The following SMG6 variants were observed in gnomAD, a reference collection of about 807,000 sequenced individuals.
SMG6 encodes SMG6 nonsense mediated mRNA decay factor, also known as telomerase-binding protein EST1A.
In SMG6, 66 loss-of-function variants were observed where a neutral mutation model predicts 142.2. That is an observed-to-expected ratio of 0.46 (90% CI 0.38 to 0.57). The LOEUF (loss-of-function observed/expected upper bound fraction) is 0.57. SMG6 is among the 20% of genes least tolerant of loss of function. SMG6 has a pLI of 0.00. For missense variants in SMG6, 1,793 were observed against 1,832.0 expected (o/e 0.98, Z 0.39); for synonymous variants, 779 against 702.4 (o/e 1.11, Z -1.72).
chr17:2,092,209 CGCCTGACCTCAAGTGA>C (rs2068746282), intron 13 of SMG6, among the ~76,000 whole-genome samples: 1 of 152,134 alleles, frequency 6.6e-6, no homozygotes, highest in Non-Finnish European at 1.5e-5. Flanking sequence ...TGGTCTCGAA[CGCCTGACCTCAAGTGA>C]TCCACCGCGC....
chr17:2,099,986 C>T (rs969771357), intron 13 of SMG6, among the ~76,000 whole-genome samples: 2 of 151,856 alleles, frequency 1.3e-5, no homozygotes, highest in African/African-American at 4.8e-5. Flanking sequence ...TCTCAGCCTC[C>T]TGAGTAGCTG....
chr17:2,167,366 G>A (rs1180811982), intron 13 of SMG6, among the ~76,000 whole-genome samples: 1 of 152,056 alleles, frequency 6.6e-6, no homozygotes, highest in East Asian at 1.9e-4. Flanking sequence ...AGTGATGACA[G>A]AAAAAGTGAC....
At chr17:2,248,351 G>A (rs1291695059) in intron 8 of SMG6, among the ~76,000 whole-genome samples, 5 of 152,098 alleles carry the variant, frequency 3.3e-5, no homozygotes, top group Non-Finnish European at 7.4e-5. Context: ...CTAAGAAGCC[G>A]TTCAAGTTTT....
rs942836344 is a variant in SMG6 at position 2,127,682 on chromosome 17, A to T, written c.3358-41781T>A. 3 of 568,042 alleles carry T rather than the reference A, an allele frequency of 5.3e-6. No individual in the cohort carries two copies. In the African/African-American group the frequency reaches 5.6e-5, roughly 11 times the overall value. 35.2% of individuals were successfully genotyped at this position (568,042 alleles called of 1,614,324 possible). ...TTTACTCTGCTCTTTTCTAGGTTGAAGTCTAATTTAGTATCTGTTCGGACT... is the reference window on the plus strand; with the variant it reads ...TTTACTCTGCTCTTTTCTAGGTTGATGTCTAATTTAGTATCTGTTCGGACT... On this transcript the variant is annotated intron_variant, in intron 13 of 18. Coordinates refer to ENST00000263073, the MANE Select transcript of SMG6 (RefSeq NM_017575.5).
At chr17:2,272,940 A>G (rs1242007559) in intron 8 of SMG6, among the ~76,000 whole-genome samples, 2 of 152,058 alleles carry the variant, frequency 1.3e-5, no homozygotes, top group African/African-American at 4.8e-5. Flanking sequence ...AAAAAAAAAA[A>G]AAGTGTCCTT....
intron 10 of SMG6, among the ~76,000 whole-genome samples, chr17:2,206,820 G>A (rs1280133142): frequency 2.0e-5 from 3 of 151,434 alleles, no homozygotes; most frequent in African/African-American, 2.4e-5. Context: ...CCCTGAAGGC[G>A]GAGGTCACAG....
intron 9 of SMG6, among the ~76,000 whole-genome samples, chr17:2,243,221 C>T (rs957302239): frequency 5.3e-5 from 8 of 152,234 alleles, no homozygotes; most frequent in African/African-American, 1.9e-4. Context: ...ATGACCATCA[C>T]TATCATTCTT....
intron 10 of SMG6, among the ~76,000 whole-genome samples, chr17:2,210,558 G>A (rs964741493): frequency 9.2e-5 from 14 of 151,882 alleles, no homozygotes; most frequent in Non-Finnish European, 1.5e-4. Flanking sequence ...GATGACAGTT[G>A]AAACGACAAG....
At chr17:2,161,740 C>A (rs1031022184) in intron 13 of SMG6, among the ~76,000 whole-genome samples, 1 of 151,808 alleles carries the variant, frequency 6.6e-6, no homozygotes, top group Non-Finnish European at 1.5e-5. Context: ...AAATCAAATT[C>A]TCTCTTCAAA....
At chr17:2,193,184 G>C (rs1002513147) in intron 10 of SMG6, among the ~76,000 whole-genome samples, 2 of 152,190 alleles carry the variant, frequency 1.3e-5, no homozygotes, top group Non-Finnish European at 2.9e-5. Flanking sequence ...CTGTCTATGT[G>C]GTAGTGGCTG....
chr17:2,143,701 T>TA (rs1487212694), intron 13 of SMG6, among the ~76,000 whole-genome samples: 1 of 152,236 alleles, frequency 6.6e-6, no homozygotes, highest in Non-Finnish European at 1.5e-5. Context: ...TTGTGTACTT[T>TA]AAAAGGTTGA....
intron 10 of SMG6, among the ~76,000 whole-genome samples, chr17:2,191,736 G>A (rs1400627209): frequency 1.3e-5 from 2 of 152,144 alleles, no homozygotes; most frequent in African/African-American, 4.8e-5. Context: ...CCAAATACCG[G>A]CTCGGACAGA....
intron 8 of SMG6, among the ~76,000 whole-genome samples, chr17:2,264,287 G>C (rs2074376368): frequency 2.0e-5 from 3 of 152,244 alleles, no homozygotes. Context: ...AGGAGCCAAA[G>C]GAGGACTTTT....
intron 13 of SMG6, among the ~76,000 whole-genome samples, chr17:2,111,474 T>C (rs1286852228): frequency 6.6e-6 from 1 of 152,136 alleles, no homozygotes; most frequent in Non-Finnish European, 1.5e-5. Flanking sequence ...TACAGTGGTG[T>C]GATCATAGCT....
intron 8 of SMG6, among the ~76,000 whole-genome samples, chr17:2,255,396 T>G (rs1488483845): frequency 1.3e-5 from 1 of 78,462 alleles, no homozygotes; most frequent in African/African-American, 5.4e-5. Context: ...AGAGCGAGAC[T>G]CCGTCTCAAA....
intron 10 of SMG6, among the ~76,000 whole-genome samples, chr17:2,198,357 TG>T (rs1419380759): frequency 6.6e-6 from 1 of 152,200 alleles, no homozygotes; most frequent in Non-Finnish European, 1.5e-5. Flanking sequence ...GCGGTAGGGA[TG>T]GTTCTAAAGC....
At position 2,299,976 on chromosome 17, in the gene SMG6, G is replaced by C; in HGVS notation, c.777C>G (p.Thr259=). The C allele has an allele frequency of 6.2e-7, 1 of 1,614,110 alleles. No individual in the cohort carries two copies. The highest frequency in any genetic ancestry group is 8.5e-7 in the Non-Finnish European group (1 of 1,180,038). The change falls in exon 2 of 19, where the codon ACC becomes ACG. Residue 259 remains threonine, a synonymous_variant. Transcript: ENST00000263073. The surrounding 1 kb of genome is among the most constrained non-coding windows in gnomAD (Gnocchi z 4.3). ...KRRNRYRTRS[T]SSAGSNNSAE... ...CGCTGTTGTTGCTGCCAGCTGAGCT[G>C]GTGCTGCGCGTGCGGTAGCGATTCC...
rs1012089748 is a variant in SMG6, at chr17:2,288,883, T to G, written c.2337+3669A>C. 9.0e-4 allele frequency among the ~76,000 whole-genome samples: 137 copies of G among 151,594 alleles called. 1 individual carries two copies. The highest frequency in any genetic ancestry group is 3.2e-3 in the African/African-American group (134 of 41,352). ...TCACGAGGTCAGGAGATTGAGACCA[T>G]CCTGGCTAACACAGTGAAACCCCGT... On this transcript the variant is annotated intron_variant, in intron 6 of 18. Coordinates refer to ENST00000263073, the MANE Select transcript of SMG6 (RefSeq NM_017575.5).
intron 10 of SMG6, among the ~76,000 whole-genome samples, chr17:2,208,735 G>A (rs1023335542): frequency 2.6e-5 from 4 of 152,148 alleles, no homozygotes; most frequent in Non-Finnish European, 5.9e-5. Context: ...AGAAGAAAGT[G>A]AAAAATCTCT....
Sources: gnomAD v4.1 joint callset for allele counts (sites outside exome capture counted in the v4.1 genomes callset) on GRCh38, gnomAD v4.1.1 for gene constraint, Gnocchi (gnomAD v3.1) non-coding constraint, MANE v1.5 for transcripts, NCBI Gene and HGNC (gene_info 2026-07-23, HGNC 2026-07-21) for gene names.